The following FAM169A variants were observed in gnomAD, a reference collection of about 807,000 sequenced individuals.
The protein encoded by FAM169A is family with sequence similarity 169 member A, also known as soluble lamin-associated protein of 75 kDa.
In FAM169A, 24 loss-of-function variants were observed where a neutral mutation model predicts 75.7. That is an observed-to-expected ratio of 0.32 (90% confidence interval 0.23 to 0.45). FAM169A has a LOEUF of 0.45. Ranked by LOEUF, FAM169A falls within the 20% of genes least tolerant of loss-of-function variation. FAM169A has a pLI of 1.00. For synonymous variants in FAM169A, 271 were observed against 271.0 expected, an observed-to-expected ratio of 1.00 and a Z score of 0.00; for missense variants, 673 against 784.0, an observed-to-expected ratio of 0.86 and a Z score of 1.69.
At chr5:74,857,671 A>G (rs1358902647) in intron 1 of FAM169A, among the ~76,000 whole-genome samples, 2 of 143,776 alleles carry the variant, frequency 1.4e-5, no homozygotes, top group East Asian at 2.0e-4. Flanking sequence ...CTTATTCTGT[A>G]TATCTTTAAA....
intron 8 of FAM169A, among the ~76,000 whole-genome samples, chr5:74,802,655 C>A (rs1746649782): frequency 6.6e-6 from 1 of 152,110 alleles, no homozygotes. Flanking sequence ...AATGGACCAT[C>A]TAGTTCTCCC....
intron 11 of FAM169A, among the ~76,000 whole-genome samples, chr5:74,784,770 T>A (rs1486324339): frequency 6.7e-6 from 1 of 149,976 alleles, no homozygotes; most frequent in African/African-American, 2.5e-5. Flanking sequence ...ATACAAAAAA[T>A]TAGCCGGGCG....
chr5:74,866,177 C>T lies in FAM169A; in HGVS notation c.-16G>A, dbSNP rs1318342265. ...GGAGCGCACTCACCTCAGACGCGCCCCGGGAGCCGCTGGAAGAGCCCGGGA... is the reference window on the plus strand; with the variant it reads ...GGAGCGCACTCACCTCAGACGCGCCTCGGGAGCCGCTGGAAGAGCCCGGGA... On this transcript the variant is annotated 5_prime_UTR_variant, in exon 1 of 13. Coordinates refer to ENST00000687041, the MANE Select transcript of FAM169A (RefSeq NM_001376049.1). 1 of 984,162 alleles carries T rather than the reference C, an allele frequency of 1.0e-6. No homozygotes were observed. The highest frequency in any genetic ancestry group is 1.1e-4 in the East Asian group (1 of 8,798). 61.0% of individuals were successfully genotyped at this position (984,162 alleles called of 1,614,324 possible).
intron 1 of FAM169A, among the ~76,000 whole-genome samples, chr5:74,849,038 A>T (rs1202230352): frequency 2.6e-5 from 4 of 152,206 alleles, no homozygotes; most frequent in African/African-American, 9.6e-5. Context: ...AAGTGAACTC[A>T]TCAAAAAACT....
intron 1 of FAM169A, among the ~76,000 whole-genome samples, chr5:74,854,508 A>G (rs1412043453): frequency 6.6e-6 from 1 of 152,184 alleles, no homozygotes. Context: ...TACATTGTTG[A>G]CTATCATCAC....
intron 10 of FAM169A, among the ~76,000 whole-genome samples, chr5:74,800,676 TAC>T (rs1327951063): frequency 1.3e-5 from 2 of 151,872 alleles, no homozygotes; most frequent in Non-Finnish European, 2.9e-5. Context: ...AGTCATCTGC[TAC>T]ACAAACAATG....
intron 12 of FAM169A, 150 bp from the exon 13 acceptor site, chr5:74,782,158 A>G (rs1054233116): frequency 1.5e-5 from 9 of 616,314 alleles, no homozygotes; most frequent in African/African-American, 9.2e-5. Context: ...CTGTTCTGCT[A>G]TATGTGTATA....
Position 74,780,898 on chromosome 5 carries a change from A to G in FAM169A, c.*562T>C, listed in dbSNP as rs1745379322. On this transcript the variant is annotated 3_prime_UTR_variant, in exon 13 of 13. Transcript: ENST00000687041. ...ATCTATATCTAGGATTAAGAGGCCA[A>G]AACCAAAATATCTTCATGAACCTTT... The G allele has an allele frequency of 6.6e-6, 1 of 152,338 alleles. No homozygotes were observed. Among genetic ancestry groups the G allele is most frequent in the African/African-American group, 2.4e-5 (1 of 41,470 alleles). The allele number at this position is 152,338 out of a possible 1,614,324, so 9.4% of individuals were successfully genotyped here. A position where few individuals can be genotyped will look rare whatever the true frequency, so the allele number is the denominator to read the frequency against.
chr5:74,794,546 G>A (rs532053339), intron 11 of FAM169A, among the ~76,000 whole-genome samples: 7 of 151,426 alleles, frequency 4.6e-5, no homozygotes, highest in South Asian at 2.1e-4. Flanking sequence ...GTGAAACCCC[G>A]TCTTGGCGGA....
chr5:74,851,140 T>C lies in FAM169A; in HGVS notation c.-3-9461A>G, dbSNP rs62367760. Among the ~76,000 whole-genome samples the C allele has an allele frequency of 2.1e-3, 321 of 152,290 alleles. 2 individuals are homozygous for C. The highest frequency in any genetic ancestry group is 3.2e-3 in the Non-Finnish European group (215 of 68,030). On this transcript the variant is annotated intron_variant, in intron 1 of 12. Coordinates refer to ENST00000687041, the MANE Select transcript of FAM169A (RefSeq NM_001376049.1). ...AAGTCTGGAAGGATACATTATAGTG[T>C]TAACAGTAATTACTCCTGGTAAGGT...
Position 74,796,071 on chromosome 5 carries a change from G to C in FAM169A, c.1219C>G (p.Leu407Val), listed in dbSNP as rs1746257357. 8.1e-6 allele frequency: 13 copies of C among 1,614,014 alleles called. No homozygotes were observed. The highest frequency in any genetic ancestry group is 1.1e-5 in the Non-Finnish European group (13 of 1,179,986). The change falls in exon 11 of 13, where the codon CTG (leucine) becomes GTG (valine). Residue 407 changes from leucine (L) to valine (V), a missense_variant. Physicochemically the swap from Leu to Val is conservative, Grantham distance 32. This residue lies in a region of FAM169A where 510 missense variants were observed against 550.9 expected (regional missense o/e 0.93). Transcript: ENST00000687041. ...TTCTCTTGCTGTGGCTGGGTTTCCA[G>C]TGCTGGCCGTGCATCTCTATCACTG... ...ESSDRDARPALETQPQQEKQD... is the reference protein window; with the variant it reads ...ESSDRDARPAVETQPQQEKQD...
intron 1 of FAM169A, among the ~76,000 whole-genome samples, chr5:74,857,649 T>C (rs1192156874): frequency 2.0e-5 from 3 of 150,756 alleles, no homozygotes; most frequent in African/African-American, 7.4e-5. Flanking sequence ...ATGAAAAGTT[T>C]AGAAGTTTAG....
chr5:74,802,534 G>A (rs982608458), intron 8 of FAM169A, among the ~76,000 whole-genome samples: 1 of 151,900 alleles, frequency 6.6e-6, no homozygotes, highest in African/African-American at 2.4e-5. Context: ...CGTCTGGAAT[G>A]CCCTAAGAAA....
At chr5:74,801,876 C>T (rs1746598468) in intron 8 of FAM169A, among the ~76,000 whole-genome samples, 1 of 152,154 alleles carries the variant, frequency 6.6e-6, no homozygotes, top group Admixed American at 6.5e-5. Context: ...CCTCAGCCAC[C>T]TTCTCTGCTC....
intron 9 of FAM169A, 43 bp from the exon 10 acceptor site, chr5:74,801,073 T>C (rs371565537): frequency 7.0e-7 from 1 of 1,421,826 alleles, no homozygotes; most frequent in Admixed American, 2.3e-5. Context: ...TGATTATATA[T>C]TAAAAGGACT....
chr5:74,782,107 T>C (rs1745442145), intron 12 of FAM169A, 99 bp from the exon 13 acceptor site: 1 of 901,468 alleles, frequency 1.1e-6, no homozygotes. Context: ...TAGAATTTAA[T>C]TCGGTATTCA....
intron 5 of FAM169A, among the ~76,000 whole-genome samples, chr5:74,819,507 C>T (rs772159012): frequency 7.2e-5 from 11 of 152,070 alleles, no homozygotes; most frequent in East Asian, 1.9e-4. Flanking sequence ...TCTCAAAAGG[C>T]GAAACGGAGT....
intron 4 of FAM169A, among the ~76,000 whole-genome samples, chr5:74,834,858 C>G (rs936061655): frequency 1.3e-5 from 2 of 152,084 alleles, no homozygotes; most frequent in African/African-American, 2.4e-5. Context: ...AAACAGGTCC[C>G]CAATGTACCA....
At chr5:74,802,733 T>C (rs1316761010) in intron 8 of FAM169A, among the ~76,000 whole-genome samples, 1 of 152,180 alleles carries the variant, frequency 6.6e-6, no homozygotes, top group Non-Finnish European at 1.5e-5. Flanking sequence ...ATCCATTACA[T>C]GCTTACTAAA....
Sources: allele counts gnomAD v4.1 joint callset (sites outside exome capture counted in the v4.1 genomes callset), GRCh38; gene constraint gnomAD v4.1.1; regional missense constraint gnomAD v4.1.1; transcripts MANE v1.5; gene names NCBI Gene and HGNC (gene_info 2026-07-23, HGNC 2026-07-21).